ARHGEF10: variants seen among roughly 807,000 people sequenced by gnomAD.
ARHGEF10 encodes Rho guanine nucleotide exchange factor (GEF) 10.
A neutral mutation model predicts 147.4 loss-of-function variants in ARHGEF10; 140 were observed. The ratio of observed to expected loss-of-function variants is 0.95; its 90% CI spans 0.83 to 1.09. The LOEUF (loss-of-function observed/expected upper bound fraction) is 1.09. Ranked by LOEUF, ARHGEF10 falls within the 50% of genes least tolerant of loss-of-function variation. ARHGEF10 has a pLI of 0.00. For synonymous variants in ARHGEF10, 902 were observed against 695.8 expected (o/e 1.30, Z -4.67); for missense variants, 2,222 against 1,752.7 (o/e 1.27, Z -4.78).
chr8:1,891,808 A>G (rs1377114212), intron 11 of ARHGEF10, among the ~76,000 whole-genome samples: 1 of 152,066 alleles, frequency 6.6e-6, no homozygotes. Flanking sequence ...GAGCTGCCAG[A>G]AAGACTGACA....
chr8:1,835,019 A>G (rs750041693), intron 1 of ARHGEF10, among the ~76,000 whole-genome samples: 10 of 152,212 alleles, frequency 6.6e-5, no homozygotes, highest in African/African-American at 9.7e-5. Flanking sequence ...GTCCGCCACA[A>G]CGCTCTGAGC....
intron 1 of ARHGEF10, among the ~76,000 whole-genome samples, chr8:1,831,025 G>A (rs989434903): frequency 6.6e-6 from 1 of 152,266 alleles, no homozygotes; most frequent in South Asian, 2.1e-4. Flanking sequence ...GAAGGCAAGA[G>A]GGGACTGGTG....
At chr8:1,888,861 C>A (rs1420847904) in intron 11 of ARHGEF10, among the ~76,000 whole-genome samples, 1 of 49,120 alleles carries the variant, frequency 2.0e-5, no homozygotes, top group Non-Finnish European at 3.7e-5. Flanking sequence ...TGTGAGGAGA[C>A]ACTGAGTGGG....
chr8:1,888,313 ATG>A, intron 11 of ARHGEF10, among the ~76,000 whole-genome samples: 2 of 91,974 alleles, frequency 2.2e-5, no homozygotes, highest in African/African-American at 9.2e-5. Context: ...TTGTGAGGAT[ATG>A]CTGAGTGGGA....
intron 26 of ARHGEF10, among the ~76,000 whole-genome samples, chr8:1,942,485 T>C (rs1467824413): frequency 6.6e-6 from 1 of 151,900 alleles, no homozygotes; most frequent in Non-Finnish European, 1.5e-5. Context: ...GTGAGGATGC[T>C]GGGAGACTCT....
chr8:1,830,369 C>T (rs371536315), intron 1 of ARHGEF10, among the ~76,000 whole-genome samples: 19 of 152,314 alleles, frequency 1.2e-4, no homozygotes, highest in African/African-American at 3.6e-4. Context: ...CTCCGGGGGC[C>T]GTGCAAACAC....
rs202116348 is a variant in ARHGEF10, at chr8:1,909,248, G to A, written c.1968-47G>A. ...TCTGAGGGATGAACATTACCATAAC[G>A]TGTTCATGTAATTATTCGTAAAACA... On this transcript the variant is annotated intron_variant, in intron 17 of 28. Coordinates refer to ENST00000349830, the MANE Select transcript of ARHGEF10 (RefSeq NM_014629.4). 4.5e-5 allele frequency: 72 copies of A among 1,608,204 alleles called. 1 individual carries two copies. In the South Asian group the frequency reaches 4.8e-4, roughly 11 times the overall value.
rs532796133 is a variant in ARHGEF10, at chr8:1,840,412, G to C, written c.-47-2941G>C. ...GTGGAAGCTGTCTGGTGTGGGGACT[G>C]TCTGGTGTGGAAGCTGTCCGGTGTG... On this transcript the variant is annotated intron_variant, in intron 1 of 28. Coordinates refer to ENST00000349830, the MANE Select transcript of ARHGEF10 (RefSeq NM_014629.4). Among the ~76,000 whole-genome samples the C allele has an allele frequency of 5.0e-4, 70 of 140,334 alleles. 2 individuals are homozygous for C. The highest frequency in any genetic ancestry group is 1.6e-3 in the African/African-American group (61 of 38,468). 92.1% of individuals were successfully genotyped at this position (140,334 alleles called of 152,430 possible).
intron 26 of ARHGEF10, among the ~76,000 whole-genome samples, chr8:1,935,175 G>A (rs186142840): frequency 3.9e-5 from 6 of 152,086 alleles, no homozygotes; most frequent in Admixed American, 6.5e-5. Flanking sequence ...TGAAAAGTGC[G>A]GAATTTTCCA....
At chr8:1,867,765 GC>G (rs1411832053) in intron 6 of ARHGEF10, among the ~76,000 whole-genome samples, 1 of 152,052 alleles carries the variant, frequency 6.6e-6, no homozygotes, top group Non-Finnish European at 1.5e-5. Context: ...TTATCCACTG[GC>G]TCACTAATTT....
chr8:1,881,441 C>A lies in ARHGEF10; in HGVS notation c.961-1194C>A, dbSNP rs1410891775. 2.6e-5 allele frequency among the ~76,000 whole-genome samples: 4 copies of A among 152,308 alleles called. No individual in the cohort carries two copies. The East Asian group carries it at 5.8e-4, about 22-fold the overall frequency. ...GTAGACAGGCTGTGCAGGACGGAAACGCGCAGGCGGGCAGGGCTGTCTGCG... is the reference window on the plus strand; with the variant it reads ...GTAGACAGGCTGTGCAGGACGGAAAAGCGCAGGCGGGCAGGGCTGTCTGCG... On this transcript the variant is annotated intron_variant, in intron 9 of 28. Coordinates refer to ENST00000349830, the MANE Select transcript of ARHGEF10 (RefSeq NM_014629.4).
intron 6 of ARHGEF10, among the ~76,000 whole-genome samples, chr8:1,867,946 C>T (rs905338802): frequency 2.0e-5 from 3 of 152,280 alleles, no homozygotes; most frequent in Non-Finnish European, 2.9e-5. Context: ...AAAGCAGGAT[C>T]GTTACAGGAT....
chr8:1,903,514 C>G (rs780111599), intron 16 of ARHGEF10, 63 bp downstream of exon 16: 1 of 1,585,722 alleles, frequency 6.3e-7, no homozygotes, highest in African/African-American at 1.3e-5. Flanking sequence ...AATAAGCTGT[C>G]GTTGTCCAGC....
At chr8:1,904,508 A>G (rs984987952) in intron 16 of ARHGEF10, among the ~76,000 whole-genome samples, 4 of 152,214 alleles carry the variant, frequency 2.6e-5, no homozygotes, top group African/African-American at 4.8e-5. Context: ...TGGTTTATGT[A>G]GGAACGTTTA....
intron 10 of ARHGEF10, among the ~76,000 whole-genome samples, chr8:1,884,438 G>A (rs1808486748): frequency 6.6e-6 from 1 of 151,172 alleles, no homozygotes; most frequent in Admixed American, 6.6e-5. Context: ...CTCCCAACCC[G>A]AGTTTCCTAA....
At chr8:1,829,715 A>G (rs974231402) in intron 1 of ARHGEF10, among the ~76,000 whole-genome samples, 6 of 152,200 alleles carry the variant, frequency 3.9e-5, no homozygotes, top group Non-Finnish European at 7.3e-5. Context: ...GTCACTTTTC[A>G]GCTGCAGCTG....
At chr8:1,838,152 G>T (rs567630632) in intron 1 of ARHGEF10, among the ~76,000 whole-genome samples, 280 of 152,316 alleles carry the variant, frequency 1.8e-3, no homozygotes, top group Admixed American at 3.0e-3. Flanking sequence ...TCCACCGGGG[G>T]TGCCGGGGGT....
intron 1 of ARHGEF10, among the ~76,000 whole-genome samples, chr8:1,834,024 A>G (rs987060842): frequency 2.6e-5 from 4 of 152,216 alleles, no homozygotes; most frequent in Admixed American, 2.6e-4. Context: ...GGGAAGGGTA[A>G]GCAGGGCTGG....
chr8:1,848,587 C>G (rs1410444906), intron 2 of ARHGEF10, among the ~76,000 whole-genome samples: 1 of 152,074 alleles, frequency 6.6e-6, no homozygotes, highest in Non-Finnish European at 1.5e-5. Context: ...TGTAGGGAAG[C>G]TACATTTCAG....
Sources: gnomAD v4.1 joint callset for allele counts (sites outside exome capture counted in the v4.1 genomes callset) on GRCh38, gnomAD v4.1.1 for gene constraint, MANE v1.5 for transcripts, NCBI Gene and HGNC (gene_info 2026-07-23, HGNC 2026-07-21) for gene names.